CELF2: variants seen among roughly 807,000 people sequenced by gnomAD.
CELF2 encodes the protein CUGBP Elav-like family member 2.
In CELF2, 8 loss-of-function variants were observed where a neutral mutation model predicts 62.6. The observed-to-expected ratio is 0.13, with a 90% CI of 0.07 to 0.23. The LOEUF is 0.23. Among genes scored for constraint, CELF2 ranks in the 10% least tolerant of loss-of-function variants. The probability of loss-of-function intolerance (pLI) is 1.00; values close to 1 mark genes in which losing one functional copy is unlikely to be tolerated. For synonymous variants in CELF2, 258 were observed against 250.0 expected (o/e 1.03, Z -0.30); for missense variants, 333 against 671.0 (o/e 0.50, Z 5.56).
At chr10:10,662,348 A>G in the CELF2 span, among the ~76,000 whole-genome samples, 2 of 152,194 alleles carry the variant, frequency 1.3e-5, no homozygotes, top group African/African-American at 2.4e-5. Flanking sequence ...CAGGCTTAAG[A>G]TAAGACTAAA....
intron 3 of CELF2, among the ~76,000 whole-genome samples, chr10:11,235,687 A>G (rs953786019): frequency 1.3e-5 from 2 of 152,204 alleles, no homozygotes; most frequent in Non-Finnish European, 2.9e-5. Context: ...AGCTGCTGAA[A>G]ACAATATCTG....
chr10:11,270,962 A>T lies in CELF2; in HGVS notation c.777+138A>T, dbSNP rs1006477861. The T allele has an allele frequency of 2.3e-6, 2 of 855,196 alleles. No individual in the cohort carries two copies. Among genetic ancestry groups the T allele is most frequent in the African/African-American group, 3.5e-5 (2 of 56,924 alleles). The allele number at this position is 855,196 out of a possible 1,614,324, so 53.0% of individuals were successfully genotyped here. A position where few individuals can be genotyped will look rare whatever the true frequency, so the allele number is the denominator to read the frequency against. On this transcript the variant is annotated intron_variant, in intron 7 of 12. Coordinates refer to ENST00000633077, the MANE Select transcript of CELF2 (RefSeq NM_001326342.2). This position sits in a 1 kb window ranked among gnomAD's most constrained non-coding sequence, Gnocchi z 5.8. ...TTATTGAAATCAGCATTTATGCAGG[A>T]TATTTTTCCAAGTTAGATTGATTCT...
At chr10:11,204,464 G>GCTATAGCAATA (rs2059965865) in intron 2 of CELF2, among the ~76,000 whole-genome samples, 3 of 152,212 alleles carry the variant, frequency 2.0e-5, no homozygotes, top group Admixed American at 6.5e-5. Flanking sequence ...GGGGAAGGGG[G>GCTATAGCAATA]TGTGAAAATG....
intron 1 of CELF2, among the ~76,000 whole-genome samples, chr10:11,049,058 T>C (rs2063388190): frequency 2.0e-5 from 3 of 151,774 alleles, no homozygotes; most frequent in Non-Finnish European, 2.9e-5. Flanking sequence ...CCATGAGAAA[T>C]TGGCAAGAAG....
Position 11,161,979 on chromosome 10 carries a change from G to A in CELF2, c.75-3507G>A, listed in dbSNP as rs549589162. Among the ~76,000 whole-genome samples, 13 of 152,304 alleles carry A rather than the reference G, an allele frequency of 8.5e-5. No homozygotes were observed. In the South Asian group the frequency reaches 1.2e-3, roughly 15 times the overall value. The stretch of plus-strand genomic sequence containing the variant: ...GGATGAAAGAATTCAGTGAGTCTCC[G>A]CTAAAAATGAGCATCAGCCAGGGAG... On this transcript the variant is annotated intron_variant, in intron 1 of 12. Transcript: ENST00000633077.
Position 11,188,135 on chromosome 10 carries a change from C to T in CELF2, c.271+22453C>T, listed in dbSNP as rs931138344. Among the ~76,000 whole-genome samples, 11 of 152,042 alleles carry T rather than the reference C, an allele frequency of 7.2e-5. No homozygotes were observed. The South Asian group carries it at 8.3e-4, about 11-fold the overall frequency. ...ATATATATTTTTTGAGACTGAGTTT[C>T]GCTCTTGTTGCCCAGGTTGGAGTGC... On this transcript the variant is annotated intron_variant, in intron 2 of 12. Coordinates refer to ENST00000633077, the MANE Select transcript of CELF2 (RefSeq NM_001326342.2).
chr10:10,787,436 A>G, the CELF2 span, among the ~76,000 whole-genome samples: 1 of 152,216 alleles, frequency 6.6e-6, no homozygotes, highest in Non-Finnish European at 1.5e-5. Flanking sequence ...TTAGAAAAAA[A>G]CAACAGCTGG....
At chr10:10,710,818 T>A in the CELF2 span, among the ~76,000 whole-genome samples, 2 of 152,210 alleles carry the variant, frequency 1.3e-5, no homozygotes, top group Non-Finnish European at 2.9e-5. Flanking sequence ...CCTCATTTTC[T>A]TTTTTAAAAG....
chr10:11,037,177 C>T (rs773583687), intron 1 of CELF2, among the ~76,000 whole-genome samples: 12 of 152,200 alleles, frequency 7.9e-5, no homozygotes, highest in African/African-American at 2.2e-4. Context: ...TGGAAGAAGA[C>T]GAAGGAAGAG....
rs1298604324 is a variant in CELF2, at chr10:11,010,603, AG to A, written c.53+5164del. 1.7e-4 allele frequency among the ~76,000 whole-genome samples: 26 copies of A among 152,350 alleles called. No individual in the cohort carries two copies. The highest frequency in any genetic ancestry group is 6.0e-4 in the African/African-American group (25 of 41,570). On this transcript the variant is annotated intron_variant, in intron 1 of 12. Coordinates refer to the CELF2 transcript ENST00000416382. The surrounding 1 kb of genome is among the most constrained non-coding windows in gnomAD (Gnocchi z 4.1). ...TTTTAAAGATGAAAAACTGAGCCCG[AG>A]AGAGGTAAAGTCACAGGCCCATAGA...
At chr10:10,759,296 CTTTTTTTTTT>C in the CELF2 span, among the ~76,000 whole-genome samples, 5 of 120,882 alleles carry the variant, frequency 4.1e-5, 1 homozygote, top group East Asian at 2.8e-4. Context: ...GCCCATTTTT[CTTTTTTTTTT>C]TTTTTTTTTT....
chr10:10,981,186 G>A (rs2052062183), intron 2 of CELF2, among the ~76,000 whole-genome samples: 1 of 152,168 alleles, frequency 6.6e-6, no homozygotes, highest in South Asian at 2.1e-4. Flanking sequence ...TTCGCACTTG[G>A]ATTCCACTTC....
At chr10:11,076,661 T>G (rs1217303431) in intron 1 of CELF2, among the ~76,000 whole-genome samples, 1 of 152,252 alleles carries the variant, frequency 6.6e-6, no homozygotes, top group Non-Finnish European at 1.5e-5. Context: ...ATTGTGTGTT[T>G]AGCCTTTCCT....
the CELF2 span, among the ~76,000 whole-genome samples, chr10:10,728,092 G>A: frequency 6.6e-6 from 1 of 151,740 alleles, no homozygotes; most frequent in African/African-American, 2.4e-5. Context: ...TGACCTTTGA[G>A]CTGGATCTTG....
chr10:10,916,635 C>T (rs2064353387), intron 1 of CELF2, among the ~76,000 whole-genome samples: 1 of 152,130 alleles, frequency 6.6e-6, no homozygotes, highest in Admixed American at 6.5e-5. Flanking sequence ...TGTTTTGAGA[C>T]AGAGTTTTGC....
chr10:10,630,922 T>A, the CELF2 span, among the ~76,000 whole-genome samples: 1 of 152,150 alleles, frequency 6.6e-6, no homozygotes, highest in African/African-American at 2.4e-5. Context: ...AGCTGCGGAG[T>A]GCACAATGTA....
At chr10:10,919,384 ACTTTT>A (rs1433121073) in intron 1 of CELF2, among the ~76,000 whole-genome samples, 1 of 152,212 alleles carries the variant, frequency 6.6e-6, no homozygotes, top group Non-Finnish European at 1.5e-5. Context: ...TTCTTTAGTG[ACTTTT>A]CTTTTGTGCC....
the CELF2 span, among the ~76,000 whole-genome samples, chr10:10,588,475 G>A: frequency 1.3e-5 from 2 of 152,078 alleles, no homozygotes; most frequent in African/African-American, 4.8e-5. Context: ...GGGCGTATTG[G>A]GATTGTACCA....
chr10:11,283,692 ATGGGTGGG>A (rs1249504396), intron 8 of CELF2, among the ~76,000 whole-genome samples: 1 of 140,694 alleles, frequency 7.1e-6, no homozygotes, highest in Admixed American at 6.9e-5. Context: ...GGATGGATGG[ATGGGTGGG>A]TCAAATATGT....
Sources: allele counts gnomAD v4.1 joint callset (sites outside exome capture counted in the v4.1 genomes callset), GRCh38; gene constraint gnomAD v4.1.1; non-coding constraint Gnocchi (gnomAD v3.1); transcripts MANE v1.5; gene names NCBI Gene and HGNC (gene_info 2026-07-23, HGNC 2026-07-21).